CAMTA1: variants seen among roughly 807,000 people sequenced by gnomAD.
The protein encoded by CAMTA1 is calmodulin binding transcription activator 1.
Under a neutral mutation model 170.9 loss-of-function variants are expected in CAMTA1, and 27 were observed. The observed-to-expected ratio is 0.16, with a 90% CI of 0.12 to 0.22. CAMTA1 has a LOEUF of 0.22. Ranked by LOEUF, CAMTA1 falls within the 10% of genes least tolerant of loss-of-function variation. The pLI is 1.00. For missense variants in CAMTA1, 1,619 were observed against 2,217.2 expected (o/e 0.73, Z 5.42); for synonymous variants, 833 against 891.5 (o/e 0.93, Z 1.17).
At chr1:7,378,281 G>A (rs181273534) in intron 5 of CAMTA1, among the ~76,000 whole-genome samples, 2 of 152,278 alleles carry the variant, frequency 1.3e-5, no homozygotes, top group East Asian at 1.9e-4. Context: ...TGTGTGCTCT[G>A]CCAGAGAGAT....
At chr1:6,991,388 C>T (rs558951024) in intron 3 of CAMTA1, among the ~76,000 whole-genome samples, 6 of 152,302 alleles carry the variant, frequency 3.9e-5, no homozygotes, top group African/African-American at 1.4e-4. Flanking sequence ...TACTCACCAA[C>T]ATTTAGTGCT....
chr1:6,840,115 C>T (rs796825827), intron 3 of CAMTA1, among the ~76,000 whole-genome samples: 3 of 152,250 alleles, frequency 2.0e-5, no homozygotes, highest in African/African-American at 7.2e-5. Context: ...AGGAGAATTG[C>T]TTGAACCTGG....
chr1:7,183,864 AT>A (rs1652720126), intron 4 of CAMTA1, among the ~76,000 whole-genome samples: 2 of 152,204 alleles, frequency 1.3e-5, no homozygotes, highest in African/African-American at 4.8e-5. Flanking sequence ...TAAATTTATG[AT>A]ATGAAAATTG....
intron 11 of CAMTA1, among the ~76,000 whole-genome samples, chr1:7,708,840 C>G (rs764364387): frequency 2.6e-5 from 4 of 152,150 alleles, no homozygotes; most frequent in Admixed American, 6.6e-5. Context: ...CATAAAGCTA[C>G]ATAATGTTTT....
chr1:7,193,619 A>G (rs984200563), intron 4 of CAMTA1, among the ~76,000 whole-genome samples: 1 of 152,040 alleles, frequency 6.6e-6, no homozygotes, highest in Non-Finnish European at 1.5e-5. Flanking sequence ...CCTGAAGACA[A>G]AGTCCTTCCA....
intron 6 of CAMTA1, among the ~76,000 whole-genome samples, chr1:7,587,202 C>T (rs1275788597): frequency 2.6e-5 from 4 of 152,074 alleles, no homozygotes; most frequent in South Asian, 4.1e-4. Flanking sequence ...ACAGCCGCCA[C>T]GAAGAATTCA....
chr1:7,004,003 T>C (rs1698619366), intron 3 of CAMTA1, among the ~76,000 whole-genome samples: 1 of 152,204 alleles, frequency 6.6e-6, no homozygotes, highest in Non-Finnish European at 1.5e-5. Context: ...TGTAAGCTGT[T>C]CTGAGATGAT....
chr1:6,849,009 A>G (rs1318409632), intron 3 of CAMTA1, among the ~76,000 whole-genome samples: 1 of 152,122 alleles, frequency 6.6e-6, no homozygotes, highest in Non-Finnish European at 1.5e-5. Flanking sequence ...CCCCTGTGGG[A>G]AAGGGTTCAT....
intron 5 of CAMTA1, among the ~76,000 whole-genome samples, chr1:7,277,245 C>G (rs1670849874): frequency 1.3e-5 from 2 of 151,964 alleles, no homozygotes; most frequent in African/African-American, 4.8e-5. Flanking sequence ...ATAAGAATGA[C>G]CAAGAATAGC....
chr1:7,266,764 C>T (rs1016389), intron 5 of CAMTA1, among the ~76,000 whole-genome samples: 8,752 of 152,248 alleles, frequency 0.057, 847 homozygotes, highest in African/African-American at 0.2. Context: ...GCCATTGCTG[C>T]AAAGAGCTGG....
At position 7,146,756 on chromosome 1, in the gene CAMTA1, GCA is replaced by G. The variant is rs369189872; in HGVS notation, c.302+55397_302+55398del. On this transcript the variant is annotated intron_variant, in intron 4 of 22. Coordinates refer to ENST00000303635, the MANE Select transcript of CAMTA1 (RefSeq NM_015215.4). The surrounding 1 kb of genome is among the most constrained non-coding windows in gnomAD (Gnocchi z 4.3). The stretch of plus-strand genomic sequence containing the variant: ...AAACACACACTCAAACATAAACCAT[GCA>G]CACACACACACTTGAGCATCATGCA... Among the ~76,000 whole-genome samples, 2 of 151,018 alleles carry G rather than the reference GCA, an allele frequency of 1.3e-5. No individual in the cohort carries two copies. The highest frequency in any genetic ancestry group is 3.0e-5 in the Non-Finnish European group (2 of 67,728).
intron 5 of CAMTA1, among the ~76,000 whole-genome samples, chr1:7,263,602 G>C (rs943357792): frequency 1.3e-5 from 2 of 152,168 alleles, no homozygotes; most frequent in African/African-American, 2.4e-5. Flanking sequence ...CTGGTATTGA[G>C]TGCATAACCC....
At position 7,688,455 on chromosome 1, in the gene CAMTA1, C is replaced by T. The variant is rs539143577; in HGVS notation, c.2914+10722C>T. Among the ~76,000 whole-genome samples the T allele has an allele frequency of 2.0e-5, 3 of 152,162 alleles. No individual in the cohort carries two copies. In the South Asian group the frequency reaches 6.2e-4, roughly 32 times the overall value. On this transcript the variant is annotated intron_variant, in intron 11 of 22. Transcript: ENST00000303635. ...TCCAGGCCAGCAATGGGCTGACATC[C>T]TTAGCCTTTACTGGGATTGGGCTCC... is the stretch of plus-strand genomic sequence containing the variant.
At chr1:7,409,504 A>G (rs1267649063) in intron 5 of CAMTA1, among the ~76,000 whole-genome samples, 1 of 150,566 alleles carries the variant, frequency 6.6e-6, no homozygotes, top group Non-Finnish European at 1.5e-5. Context: ...GGCAGAGTCC[A>G]GCATGAGGAC....
Position 7,209,701 on chromosome 1 carries a change from G to A in CAMTA1, c.303-39790G>A, listed in dbSNP as rs1233134532. ...ACCTTGAATGTTGACACTCCAGGGA[G>A]GGTCAAATGGCCACAGAAGTTCTTA... On this transcript the variant is annotated intron_variant, in intron 4 of 22. Coordinates refer to ENST00000303635, the MANE Select transcript of CAMTA1 (RefSeq NM_015215.4). Among the ~76,000 whole-genome samples the A allele has an allele frequency of 3.3e-5, 5 of 152,200 alleles. No individual in the cohort carries two copies. In the East Asian group the frequency reaches 5.8e-4, roughly 18 times the overall value.
chr1:6,822,336 G>A (rs947907004), intron 2 of CAMTA1, among the ~76,000 whole-genome samples: 7 of 152,128 alleles, frequency 4.6e-5, no homozygotes, highest in Admixed American at 3.9e-4. Context: ...TTCTTTTCCA[G>A]TGTAAAATCA....
rs895854655 is a variant in CAMTA1 at position 6,971,280 on chromosome 1, C to T, written c.235-120024C>T. Reference sequence around the variant, plus strand: ...CTGGGAGTGGGAGTATTTATAGCAACGCCTCTTTTGCTGGAGTGTTGAACT... The same window carrying T: ...CTGGGAGTGGGAGTATTTATAGCAATGCCTCTTTTGCTGGAGTGTTGAACT... On this transcript the variant is annotated intron_variant, in intron 3 of 22. Coordinates refer to ENST00000303635, the MANE Select transcript of CAMTA1 (RefSeq NM_015215.4). This position sits in a 1 kb window ranked among gnomAD's most constrained non-coding sequence, Gnocchi z 4.6. 5.3e-5 allele frequency among the ~76,000 whole-genome samples: 8 copies of T among 152,332 alleles called. No individual in the cohort carries two copies. Among genetic ancestry groups the T allele is most frequent in the African/African-American group, 1.7e-4 (7 of 41,582 alleles).
chr1:6,992,933 T>C (rs922567217), intron 3 of CAMTA1, among the ~76,000 whole-genome samples: 6 of 152,242 alleles, frequency 3.9e-5, no homozygotes, highest in Non-Finnish European at 7.3e-5. Context: ...GACAACATTG[T>C]TATTTTCCAT....
rs990641733 is a variant in CAMTA1, at chr1:7,234,538, C to T, written c.303-14953C>T. Among the ~76,000 whole-genome samples, 5 of 152,154 alleles carry T rather than the reference C, an allele frequency of 3.3e-5. No homozygotes were observed. The highest frequency in any genetic ancestry group is 7.2e-5 in the African/African-American group (3 of 41,432). Reference sequence around the variant, plus strand: ...TCAGCACCCGGCGTGAATGCTCAGCCGTGATAGCTGCTCAGTAAATATTAA... The same window carrying T: ...TCAGCACCCGGCGTGAATGCTCAGCTGTGATAGCTGCTCAGTAAATATTAA... On this transcript the variant is annotated intron_variant, in intron 4 of 22. Coordinates refer to ENST00000303635, the MANE Select transcript of CAMTA1 (RefSeq NM_015215.4). This position sits in a 1 kb window ranked among gnomAD's most constrained non-coding sequence, Gnocchi z 5.0.
Sources: gnomAD v4.1 joint callset for allele counts (sites outside exome capture counted in the v4.1 genomes callset) on GRCh38, gnomAD v4.1.1 for gene constraint, Gnocchi (gnomAD v3.1) non-coding constraint, MANE v1.5 for transcripts, NCBI Gene and HGNC (gene_info 2026-07-23, HGNC 2026-07-21) for gene names.